Variants in KLHL40 observed in about 807,000 individuals in gnomAD.
KLHL40 encodes the protein kelch like family member 40, also known as kelch-like protein 40.
In KLHL40, 44 loss-of-function variants were observed where a neutral mutation model predicts 49.7. The observed-to-expected ratio is 0.89, with a 90% CI of 0.70 to 1.14. The LOEUF (loss-of-function observed/expected upper bound fraction) is 1.14. KLHL40 is among the 50% of genes most tolerant of loss of function. KLHL40 has a pLI of 0.00. For missense variants in KLHL40, 892 were observed against 850.3 expected (o/e 1.05, Z -0.61); for synonymous variants, 409 against 365.2 (o/e 1.12, Z -1.37).
At chr3:42,686,865 G>A (rs1697281532) in intron 1 of KLHL40, 95 bp downstream of exon 1, 2 of 1,067,420 alleles carry the variant, frequency 1.9e-6, no homozygotes, top group Admixed American at 5.5e-5. Context: ...CTACACAAGT[G>A]AATGCCACTG....
At position 42,688,715 on chromosome 3, in the gene KLHL40, C is replaced by G. The variant is rs755795930; in HGVS notation, c.1419C>G (p.Asp473Glu). 6.2e-7 allele frequency: 1 copy of G among 1,612,430 alleles called. No homozygotes were observed. Among genetic ancestry groups the G allele is most frequent in the South Asian group, 1.1e-5 (1 of 91,044 alleles). Residue 473 changes from aspartate (D) to glutamate (E), a missense_variant and splice_region_variant, in exon 3 of 6, where the codon GAC becomes GAG. Asp to Glu is a conservative substitution (Grantham distance 45). Transcript: ENST00000287777. This position sits in a 1 kb window ranked among gnomAD's most constrained non-coding sequence, Gnocchi z 4.2. ...ACGTAATTGGCGGCAAAGGCAGTGA[C>G]AGGTGAGGCTGGGCCTGGAGTGAGT... Reference protein sequence around the residue: ...LVYVIGGKGSDRKCLNKMCVY... With the variant: ...LVYVIGGKGSERKCLNKMCVY...
rs1260408240 is a variant in KLHL40, at chr3:42,692,060, G to T, written c.*67G>T. ...GACCCTCACTGGCCTGGCCTTGTGGGGGCTCCAGAAAAGAGGCTAGGAGAG... is the reference window on the plus strand; with the variant it reads ...GACCCTCACTGGCCTGGCCTTGTGGTGGCTCCAGAAAAGAGGCTAGGAGAG... On this transcript the variant is annotated 3_prime_UTR_variant, in exon 6 of 6. Coordinates refer to ENST00000287777, the MANE Select transcript of KLHL40 (RefSeq NM_152393.4). The T allele has an allele frequency of 1.0e-6, 1 of 994,626 alleles. No homozygotes were observed. The highest frequency in any genetic ancestry group is 1.6e-6 in the Non-Finnish European group (1 of 620,614). 61.6% of individuals were successfully genotyped at this position (994,626 alleles called of 1,614,324 possible).
chr3:42,688,798 G>A lies in KLHL40; in HGVS notation c.1422-71G>A, dbSNP rs562013353. On this transcript the variant is annotated intron_variant, in intron 3 of 5. Coordinates refer to ENST00000287777, the MANE Select transcript of KLHL40 (RefSeq NM_152393.4). The surrounding 1 kb of genome is among the most constrained non-coding windows in gnomAD (Gnocchi z 4.2). ...GTCAGGGGTTTGTCCTGGCTGCCCC[G>A]GCAGGTGATTGCAGGGAGGCGTGGC... The A allele has an allele frequency of 3.7e-5, 58 of 1,580,524 alleles. No individual in the cohort carries two copies. Among genetic ancestry groups the A allele is most frequent in the African/African-American group, 9.4e-5 (7 of 74,204 alleles).
At chr3:42,691,802 C>T in intron 5 of KLHL40, 80 bp from the exon 6 acceptor site, 2 of 878,582 alleles carry the variant, frequency 2.3e-6, no homozygotes. Context: ...GTGCCCTCAG[C>T]CACCCCTCTC....
Position 42,689,008 on chromosome 3 carries a change from ACAGGGCTGAC to A in KLHL40, c.1565_1574del (p.Gly522ValfsTer94). The A allele has an allele frequency of 6.2e-7, 1 of 1,614,154 alleles. No homozygotes were observed. The highest frequency in any genetic ancestry group is 8.5e-7 in the Non-Finnish European group (1 of 1,180,014). On this transcript the variant is annotated frameshift_variant, in exon 4 of 6. Coordinates refer to ENST00000287777, the MANE Select transcript of KLHL40 (RefSeq NM_152393.4). LOFTEE classifies it high-confidence loss of function. Reference sequence around the variant, plus strand: ...TATCGTGGCAGCTGGGGTCACCGACACAGGGCTGACCAGTTCTGCCGAAGTGTACAGCATC... The same window carrying A: ...TATCGTGGCAGCTGGGGTCACCGACACAGTTCTGCCGAAGTGTACAGCATC...
At chr3:42,687,601 G>A (rs956771874) in intron 1 of KLHL40, among the ~76,000 whole-genome samples, 1 of 152,172 alleles carries the variant, frequency 6.6e-6, no homozygotes, top group African/African-American at 2.4e-5. Context: ...GCATGATAAG[G>A]TTGTTGGAAG....
chr3:42,685,968 T>C lies in KLHL40; in HGVS notation c.350T>C (p.Phe117Ser), dbSNP rs777073617. The C allele has an allele frequency of 5.6e-6, 9 of 1,611,916 alleles. No homozygotes were observed. The South Asian group carries it at 8.8e-5, about 16-fold the overall frequency. The change falls in exon 1 of 6, where the codon TTC (phenylalanine) becomes TCC (serine). Residue 117 changes from phenylalanine (F) to serine (S), a missense_variant. Coordinates refer to ENST00000287777, the MANE Select transcript of KLHL40 (RefSeq NM_152393.4). ...CACCGCTTCCAGATCCCTTCCATCT[T>C]CACCATCTGCGTGTCCTTCCTGCAG... Reference protein sequence around the residue: ...AAHRFQIPSIFTICVSFLQKR... With the variant: ...AAHRFQIPSISTICVSFLQKR...
In KLHL40 at chr3:42,692,070, A is replaced by G. The variant is rs1697380255; in HGVS notation, c.*77A>G. The G allele has an allele frequency of 8.8e-6, 8 of 913,750 alleles. No homozygotes were observed. Among genetic ancestry groups the G allele is most frequent in the Non-Finnish European group, 1.3e-5 (7 of 549,826 alleles). The allele number at this position is 913,750 out of a possible 1,614,324, so 56.6% of individuals were successfully genotyped here. A position where few individuals can be genotyped will look rare whatever the true frequency, so the allele number is the denominator to read the frequency against. On this transcript the variant is annotated 3_prime_UTR_variant, in exon 6 of 6. Coordinates refer to ENST00000287777, the MANE Select transcript of KLHL40 (RefSeq NM_152393.4). ...GGCCTGGCCTTGTGGGGGCTCCAGA[A>G]AAGAGGCTAGGAGAGGCCAGAGTCT...
chr3:42,688,912 G>A lies in KLHL40; in HGVS notation c.1465G>A (p.Glu489Lys), dbSNP rs1190785956. The change falls in exon 4 of 6, where the codon GAG becomes AAG. Residue 489 changes from glutamate to lysine, a missense_variant. Transcript: ENST00000287777. This position sits in a 1 kb window ranked among gnomAD's most constrained non-coding sequence, Gnocchi z 4.2. Reference sequence around the variant, plus strand: ...GTGCGTCTATGACCCCAAGAAGTTTGAGTGGAAGGAGCTGGCACCCATGCA... The same window carrying A: ...GTGCGTCTATGACCCCAAGAAGTTTAAGTGGAAGGAGCTGGCACCCATGCA... ...KMCVYDPKKF[E>K]WKELAPMQTA... is the part of the protein sequence containing the mutation. 6.2e-7 allele frequency: 1 copy of A among 1,614,170 alleles called. No homozygotes were observed. Among genetic ancestry groups the A allele is most frequent in the African/African-American group, 1.3e-5 (1 of 75,044 alleles).
rs543446701 is a variant in KLHL40 at position 42,691,808 on chromosome 3, C to T, written c.1755-74C>T. 71 of 927,530 alleles carry T rather than the reference C, an allele frequency of 7.7e-5. No individual in the cohort carries two copies. In the African/African-American group the frequency reaches 8.3e-4, roughly 11 times the overall value. 57.5% of individuals were successfully genotyped at this position (927,530 alleles called of 1,614,324 possible). A position where few individuals can be genotyped will look rare whatever the true frequency, so the allele number is the denominator to read the frequency against. ...ATGGGCCAAGTGCCCTCAGCCACCC[C>T]TCTCTGCTGCGTTCCACTCTGGACT... On this transcript the variant is annotated intron_variant, in intron 5 of 5. Transcript: ENST00000287777.
chr3:42,690,809 A>C, intron 4 of KLHL40, 50 bp from the exon 5 acceptor site: 1 of 1,542,952 alleles, frequency 6.5e-7, no homozygotes, highest in Non-Finnish European at 8.8e-7. Flanking sequence ...AGGGACAGTC[A>C]CTGGGCTTGC....
At position 42,692,183 on chromosome 3, in the gene KLHL40, G is replaced by C. The variant is rs1697382181; in HGVS notation, c.*190G>C. ...GTCCTGGACTTTTGGGCAAGGGTGA[G>C]AAACTAGAGGCTTCTCCAGTGTTGC... On this transcript the variant is annotated 3_prime_UTR_variant, in exon 6 of 6. Coordinates refer to ENST00000287777, the MANE Select transcript of KLHL40 (RefSeq NM_152393.4). The C allele has an allele frequency of 7.0e-6, 4 of 572,206 alleles. No individual in the cohort carries two copies. The South Asian group carries it at 9.0e-5, about 13-fold the overall frequency. The allele number at this position is 572,206 out of a possible 1,614,324, so 35.4% of individuals were successfully genotyped here.
At chr3:42,691,519 A>G (rs1697367906) in intron 5 of KLHL40, among the ~76,000 whole-genome samples, 1 of 152,162 alleles carries the variant, frequency 6.6e-6, no homozygotes, top group Non-Finnish European at 1.5e-5. Flanking sequence ...CCTGGGGAGC[A>G]GTGCTGCCGG....
At chr3:42,691,438 G>A (rs1250232386) in intron 5 of KLHL40, among the ~76,000 whole-genome samples, 2 of 152,056 alleles carry the variant, frequency 1.3e-5, no homozygotes, top group African/African-American at 4.8e-5. Flanking sequence ...GTGGGGGTGG[G>A]AGAAGGAAAC....
Position 42,686,208 on chromosome 3 carries a change from C to A in KLHL40, c.590C>A (p.Ala197Glu), listed in dbSNP as rs757677971. The A allele has an allele frequency of 7.0e-6, 11 of 1,565,266 alleles. No individual in the cohort carries two copies. In the African/African-American group the frequency reaches 1.2e-4, roughly 17 times the overall value. The part of the protein sequence containing the change: ...NVEKEEAVFE[A>E]VMRWAGSGDA... Reference sequence around the variant, plus strand: ...GAGAAGGAGGAGGCAGTGTTCGAGGCGGTGATGCGGTGGGCGGGTAGCGGC... The same window carrying A: ...GAGAAGGAGGAGGCAGTGTTCGAGGAGGTGATGCGGTGGGCGGGTAGCGGC... The change falls in exon 1 of 6, where the codon GCG becomes GAG. Residue 197 changes from alanine to glutamate, a missense_variant. Transcript: ENST00000287777.
At position 42,685,569 on chromosome 3, in the gene KLHL40, T is replaced by TACAGAG; in HGVS notation, c.-48_-43dup. 6.6e-7 allele frequency: 1 copy of TACAGAG among 1,505,566 alleles called. No homozygotes were observed. Among genetic ancestry groups the TACAGAG allele is most frequent in the Non-Finnish European group, 8.9e-7 (1 of 1,119,378 alleles). 93.3% of individuals were successfully genotyped at this position (1,505,566 alleles called of 1,614,324 possible). A position where few individuals can be genotyped will look rare whatever the true frequency, so the allele number is the denominator to read the frequency against. On this transcript the variant is annotated 5_prime_UTR_variant, in exon 1 of 6. Transcript: ENST00000287777. ...GCAAACCCCAGCAGGAAAGCAGGGG[T>TACAGAG]ACAGAGAGGAGCCCCCTTGGCACCG...
Position 42,692,037 on chromosome 3 carries a change from C to A in KLHL40, c.*44C>A. 1 of 1,185,850 alleles carries A rather than the reference C, an allele frequency of 8.4e-7. No individual in the cohort carries two copies. The highest frequency in any genetic ancestry group is 1.3e-6 in the Non-Finnish European group (1 of 790,700). The allele number at this position is 1,185,850 out of a possible 1,614,324, so 73.5% of individuals were successfully genotyped here. ...ACTAAGCACCCCTCCCATCCTGCGA[C>A]CCTCACTGGCCTGGCCTTGTGGGGG... On this transcript the variant is annotated 3_prime_UTR_variant, in exon 6 of 6. Transcript: ENST00000287777.
rs142285083 is a variant in KLHL40 at position 42,686,031 on chromosome 3, G to A, written c.413G>A (p.Arg138His). The A allele has an allele frequency of 1.9e-6, 3 of 1,608,934 alleles. No individual in the cohort carries two copies. Among genetic ancestry groups the A allele is most frequent in the African/African-American group, 2.7e-5 (2 of 74,902 alleles). Residue 138 changes from arginine to histidine, a missense_variant, in exon 1 of 6, where the codon CGT becomes CAT. Transcript: ENST00000287777. ...CTCTCCAACTGCTTGGCCGTCTTCC[G>A]TCTCGGCCTCCTGCTCGACTGCGCG... ...LCLSNCLAVF[R>H]LGLLLDCARL...
Position 42,685,753 on chromosome 3 carries a change from G to C in KLHL40, c.135G>C (p.Pro45=), listed in dbSNP as rs751744627. The C allele has an allele frequency of 3.1e-6, 5 of 1,612,640 alleles. No individual in the cohort carries two copies. Among genetic ancestry groups the C allele is most frequent in the African/African-American group, 1.3e-5 (1 of 74,932 alleles). The stretch of plus-strand genomic sequence containing the variant: ...TGCGGGCGGGCGAGCGCGAGTTCCC[G>C]TGCCATCGCCTGGTGCTGGCCGCCT... The part of the protein sequence containing the change: ...CVVRAGEREF[P]CHRLVLAACS... The change falls in exon 1 of 6, where the codon CCG becomes CCC. Residue 45 remains proline (P), a synonymous_variant. Transcript: ENST00000287777.
Sources: allele counts gnomAD v4.1 joint callset (sites outside exome capture counted in the v4.1 genomes callset), GRCh38; gene constraint gnomAD v4.1.1; non-coding constraint Gnocchi (gnomAD v3.1); transcripts MANE v1.5; gene names NCBI Gene and HGNC (gene_info 2026-07-23, HGNC 2026-07-21).